Variants in FCHSD2 observed in about 807,000 individuals in gnomAD.
The protein encoded by FCHSD2 is FCH and double SH3 domains 2.
Under a neutral mutation model 108.1 loss-of-function variants are expected in FCHSD2, and 38 were observed. The ratio of observed to expected loss-of-function variants is 0.35; its 90% CI spans 0.27 to 0.46. The LOEUF (loss-of-function observed/expected upper bound fraction) is 0.46, where lower values mean the gene tolerates loss of function less well. Among genes scored for constraint, FCHSD2 ranks in the 20% least tolerant of loss-of-function variants. The probability of loss-of-function intolerance (pLI) is 1.00; values close to 1 mark genes in which losing one functional copy is unlikely to be tolerated. For synonymous variants in FCHSD2, 279 were observed against 314.7 expected (o/e 0.89, Z 1.20); for missense variants, 751 against 897.8 (o/e 0.84, Z 2.09).
chr11:73,117,820 C>T (rs544916792), intron 2 of FCHSD2, among the ~76,000 whole-genome samples: 1 of 152,178 alleles, frequency 6.6e-6, no homozygotes, highest in African/African-American at 2.4e-5. Flanking sequence ...AATTAATCCA[C>T]CTTATTTTTG....
At chr11:72,891,737 T>C (rs1326839854) in intron 10 of FCHSD2, among the ~76,000 whole-genome samples, 1 of 152,244 alleles carries the variant, frequency 6.6e-6, no homozygotes. Context: ...ATGGCACTAC[T>C]AGCTTTATGA....
chr11:72,984,082 T>C lies in FCHSD2; in HGVS notation c.705+6A>G, dbSNP rs1406018456. The stretch of plus-strand genomic sequence containing the variant: ...AAAATTACCATAGATATGAAAGCTG[T>C]ATTACCTTCATAATGTTAACTAAAT... On this transcript the variant is annotated splice_donor_region_variant and intron_variant, in intron 8 of 19. Transcript: ENST00000409418. 1.2e-6 allele frequency: 2 copies of C among 1,608,032 alleles called. No homozygotes were observed. The highest frequency in any genetic ancestry group is 8.5e-7 in the Non-Finnish European group (1 of 1,175,964).
At chr11:72,908,550 C>A (rs1357592074) in intron 9 of FCHSD2, among the ~76,000 whole-genome samples, 1 of 152,198 alleles carries the variant, frequency 6.6e-6, no homozygotes, top group Admixed American at 6.5e-5. Context: ...ATCTGTGTTA[C>A]TGCCTATCTT....
intron 13 of FCHSD2, among the ~76,000 whole-genome samples, chr11:72,860,730 A>T (rs1198262280): frequency 6.6e-6 from 1 of 152,098 alleles, no homozygotes; most frequent in Non-Finnish European, 1.5e-5. Flanking sequence ...AGGCTGAGGC[A>T]TAAGAATCAC....
intron 4 of FCHSD2, among the ~76,000 whole-genome samples, chr11:73,003,488 AT>A (rs574233006): frequency 2.7e-3 from 369 of 139,214 alleles, no homozygotes; most frequent in Admixed American, 2.8e-3. Context: ...TCATAGAGTG[AT>A]TTTTTTTTTT....
rs377184982 is a variant in FCHSD2 at position 72,909,262 on chromosome 11, C to T, written c.829-6624G>A. ...CTGTTGACCGGGCTGGTCTCCAGCT[C>T]TTGACCTCGAGTGATCTGCCCGCCT... On this transcript the variant is annotated intron_variant, in intron 9 of 19. Transcript: ENST00000409418. Among the ~76,000 whole-genome samples, 6 of 152,142 alleles carry T rather than the reference C, an allele frequency of 3.9e-5. No homozygotes were observed. The South Asian group carries it at 1.2e-3, about 32-fold the overall frequency.
At chr11:73,101,600 C>G (rs961395333) in intron 2 of FCHSD2, among the ~76,000 whole-genome samples, 40 of 151,982 alleles carry the variant, frequency 2.6e-4, no homozygotes, top group Non-Finnish European at 2.9e-5. Flanking sequence ...CCATGCCCAG[C>G]TAATTTTTGT....
At chr11:72,866,823 A>C (rs1189919504) in intron 13 of FCHSD2, among the ~76,000 whole-genome samples, 1 of 152,252 alleles carries the variant, frequency 6.6e-6, no homozygotes, top group East Asian at 1.9e-4. Context: ...AATTTTCGTC[A>C]GTTTCGCTAG....
intron 12 of FCHSD2, among the ~76,000 whole-genome samples, chr11:72,874,188 T>C (rs143308827): frequency 1.1e-3 from 163 of 152,302 alleles, no homozygotes; most frequent in Non-Finnish European, 1.9e-3. Flanking sequence ...ACCATTGTAG[T>C]ATGCTTTTGC....
At chr11:72,983,843 T>C (rs1857261891) in intron 8 of FCHSD2, 1 of 581,420 alleles carries the variant, frequency 1.7e-6, no homozygotes, top group Non-Finnish European at 3.2e-6. Context: ...ATAACAAATG[T>C]TTGCCGCACC....
intron 8 of FCHSD2, among the ~76,000 whole-genome samples, chr11:72,957,167 GTGCTATCCCT>G (rs1171698410): frequency 6.9e-6 from 1 of 145,842 alleles, no homozygotes; most frequent in Non-Finnish European, 1.5e-5. Flanking sequence ...ATATCTCCCA[GTGCTATCCCT>G]CCCCCCTCCC....
Position 73,141,977 on chromosome 11 carries a change from G to GT in FCHSD2, c.-101dup, listed in dbSNP as rs952152533. The GT allele has an allele frequency of 2.7e-5, 33 of 1,220,570 alleles. No homozygotes were observed. Among genetic ancestry groups the GT allele is most frequent in the Non-Finnish European group, 3.7e-5 (32 of 876,076 alleles). 75.6% of individuals were successfully genotyped at this position (1,220,570 alleles called of 1,614,324 possible). ...AGGGGACGGCCCAGCGAGCGCGCGC[G>GT]TGTGTGAAAGGAGCGCTTAAGAAGC... On this transcript the variant is annotated 5_prime_UTR_variant, in exon 1 of 20. Transcript: ENST00000409418.
intron 6 of FCHSD2, among the ~76,000 whole-genome samples, chr11:72,988,549 T>C (rs1327232051): frequency 3.9e-5 from 6 of 152,172 alleles, no homozygotes; most frequent in Non-Finnish European, 8.8e-5. Flanking sequence ...ACTTGATGTG[T>C]TCATGGACCT....
chr11:73,110,684 T>C (rs1860461611), intron 2 of FCHSD2, among the ~76,000 whole-genome samples: 1 of 152,150 alleles, frequency 6.6e-6, no homozygotes, highest in Admixed American at 6.5e-5. Flanking sequence ...CTCCGATCTT[T>C]ATTATTTCTT....
At chr11:72,947,762 G>T (rs1856546404) in intron 8 of FCHSD2, among the ~76,000 whole-genome samples, 1 of 3,152 alleles carries the variant, frequency 3.2e-4, no homozygotes, top group South Asian at 7.5e-3. Context: ...TTCTCATAAA[G>T]AAAATTAAAT....
chr11:72,984,881 A>G (rs1227324294), intron 7 of FCHSD2, among the ~76,000 whole-genome samples, 181 bp downstream of exon 7: 2 of 152,360 alleles, frequency 1.3e-5, no homozygotes, highest in African/African-American at 2.4e-5. Flanking sequence ...AGTGTGTCCA[A>G]GGTGTTGACA....
intron 8 of FCHSD2, among the ~76,000 whole-genome samples, chr11:72,946,974 C>A (rs1474570461): frequency 6.6e-6 from 1 of 152,196 alleles, no homozygotes; most frequent in Non-Finnish European, 1.5e-5. Flanking sequence ...GCCATCTATG[C>A]AATAGCTCAC....
intron 8 of FCHSD2, among the ~76,000 whole-genome samples, chr11:72,977,794 C>A (rs879621139): frequency 1.3e-5 from 2 of 152,170 alleles, no homozygotes; most frequent in African/African-American, 2.4e-5. Flanking sequence ...ACCATTTGAC[C>A]GAGCAATCCC....
At chr11:73,014,843 T>C (rs539944349) in intron 4 of FCHSD2, among the ~76,000 whole-genome samples, 1 of 151,966 alleles carries the variant, frequency 6.6e-6, no homozygotes, top group East Asian at 1.9e-4. Context: ...AAAAAAGAAA[T>C]CAAATTCTTT....
Sources: allele counts gnomAD v4.1 joint callset (sites outside exome capture counted in the v4.1 genomes callset), GRCh38; gene constraint gnomAD v4.1.1; transcripts MANE v1.5; gene names NCBI Gene and HGNC (gene_info 2026-07-23, HGNC 2026-07-21).